GNAZ: variants seen among roughly 807,000 people sequenced by gnomAD.
The protein encoded by GNAZ is G protein subunit alpha z, also known as guanine nucleotide-binding protein G(z) subunit alpha.
Under a neutral mutation model 25.4 loss-of-function variants are expected in GNAZ, and 3 were observed. The observed-to-expected ratio is 0.12, with a 90% CI of 0.05 to 0.30. GNAZ has a LOEUF of 0.30. GNAZ is among the 10% of genes least tolerant of loss of function. GNAZ has a pLI of 1.00. For missense variants in GNAZ, 241 were observed against 501.8 expected, an observed-to-expected ratio of 0.48 and a Z score of 4.97; for synonymous variants, 211 against 205.7, an observed-to-expected ratio of 1.03 and a Z score of -0.22.
chr22:23,091,319 C>T (rs1308001720), intron 1 of GNAZ, among the ~76,000 whole-genome samples: 3 of 152,294 alleles, frequency 2.0e-5, no homozygotes, highest in Non-Finnish European at 4.4e-5. Context: ...TACACGCACA[C>T]ATACCGCAAT....
chr22:23,075,339 G>A (rs2068482785), intron 1 of GNAZ, among the ~76,000 whole-genome samples: 2 of 152,180 alleles, frequency 1.3e-5, no homozygotes, highest in South Asian at 4.1e-4. Context: ...GCAGGCAATT[G>A]CCTGCTGCAA....
chr22:23,119,045 G>T (rs1311123398), intron 2 of GNAZ, among the ~76,000 whole-genome samples: 1 of 152,242 alleles, frequency 6.6e-6, no homozygotes, highest in Non-Finnish European at 1.5e-5. Flanking sequence ...CAGAAGGCAT[G>T]CTGGGGCTTC....
At chr22:23,084,675 T>C (rs914446424) in intron 1 of GNAZ, among the ~76,000 whole-genome samples, 5 of 152,194 alleles carry the variant, frequency 3.3e-5, no homozygotes, top group African/African-American at 1.2e-4. Context: ...TCGTGGCCCA[T>C]GATGCAATGC....
At chr22:23,106,194 G>A (rs1376937150) in intron 2 of GNAZ, among the ~76,000 whole-genome samples, 2 of 152,344 alleles carry the variant, frequency 1.3e-5, no homozygotes, top group East Asian at 3.9e-4. Context: ...CTCCCATTTG[G>A]ACCTAAGACC....
chr22:23,071,716 C>T lies in GNAZ; in HGVS notation c.-450+1146C>T, dbSNP rs1475613141. 1.3e-5 allele frequency among the ~76,000 whole-genome samples: 2 copies of T among 152,122 alleles called. No homozygotes were observed. Among genetic ancestry groups the T allele is most frequent in the Non-Finnish European group, 2.9e-5 (2 of 68,024 alleles). On this transcript the variant is annotated intron_variant, in intron 1 of 2. Transcript: ENST00000615612. This position sits in a 1 kb window ranked among gnomAD's most constrained non-coding sequence, Gnocchi z 4.1. Reference sequence around the variant, plus strand: ...CGCTTGAGTGCAGGTGCAGGGGCCTCGGGAGGGACCTCAGAGTGGTGTCCT... The same window carrying T: ...CGCTTGAGTGCAGGTGCAGGGGCCTTGGGAGGGACCTCAGAGTGGTGTCCT...
In GNAZ at chr22:23,123,156, C is replaced by T. The variant is rs374781793; in HGVS notation, c.793C>T (p.Leu265Phe). The T allele has an allele frequency of 6.2e-7, 1 of 1,613,804 alleles. No individual in the cohort carries two copies. The highest frequency in any genetic ancestry group is 1.3e-5 in the African/African-American group (1 of 74,934). ...CAACAACTGGTTCATCAACACCTCACTCATCCTCTTCCTGAACAAGAAGGA... is the reference window on the plus strand; with the variant it reads ...CAACAACTGGTTCATCAACACCTCATTCATCCTCTTCCTGAACAAGAAGGA... Reference protein sequence around the residue: ...CNNNWFINTSLILFLNKKDLL... With the variant: ...CNNNWFINTSFILFLNKKDLL... The change falls in exon 3 of 3, where the codon CTC (leucine) becomes TTC (phenylalanine). Residue 265 changes from leucine to phenylalanine, a missense_variant. Transcript: ENST00000615612.
chr22:23,104,026 G>C (rs911355121), intron 2 of GNAZ, among the ~76,000 whole-genome samples: 1 of 152,142 alleles, frequency 6.6e-6, no homozygotes, highest in African/African-American at 2.4e-5. Flanking sequence ...GGGCCTAGAC[G>C]TTGGGAGCAG....
At position 23,095,582 on chromosome 22, in the gene GNAZ, C is replaced by A; in HGVS notation, c.-114C>A. 1 of 1,217,658 alleles carries A rather than the reference C, an allele frequency of 8.2e-7. No homozygotes were observed. The allele number at this position is 1,217,658 out of a possible 1,614,324, so 75.4% of individuals were successfully genotyped here. A position where few individuals can be genotyped will look rare whatever the true frequency, so the allele number is the denominator to read the frequency against. ...GCTCGGCCTCACCCCCCTGCTGGCA[C>A]TGAGTGCCTCCAGGGCAGCTGGGCT... On this transcript the variant is annotated 5_prime_UTR_variant, in exon 2 of 3. The change creates a new upstream start codon in the 5' untranslated region. Coordinates refer to ENST00000615612, the MANE Select transcript of GNAZ (RefSeq NM_002073.4).
chr22:23,094,199 A>G (rs991132913), intron 1 of GNAZ, among the ~76,000 whole-genome samples: 1 of 152,110 alleles, frequency 6.6e-6, no homozygotes, highest in Non-Finnish European at 1.5e-5. Context: ...GTCTCCGGAC[A>G]GGGACATAGG....
At chr22:23,117,190 C>T (rs2069867142) in intron 2 of GNAZ, among the ~76,000 whole-genome samples, 1 of 152,098 alleles carries the variant, frequency 6.6e-6, no homozygotes, top group African/African-American at 2.4e-5. Context: ...TGGGGCTGTT[C>T]TGTGCCCCAC....
chr22:23,091,789 C>A (rs978864660), intron 1 of GNAZ, among the ~76,000 whole-genome samples: 1 of 152,372 alleles, frequency 6.6e-6, no homozygotes, highest in East Asian at 1.9e-4. Flanking sequence ...CGTCCTGTTT[C>A]TCTTCAGTGA....
At chr22:23,103,154 C>G (rs894063054) in intron 2 of GNAZ, among the ~76,000 whole-genome samples, 6 of 152,290 alleles carry the variant, frequency 3.9e-5, no homozygotes, top group African/African-American at 1.4e-4. Context: ...CATACTGGCT[C>G]ACAAGAGCTA....
At chr22:23,114,931 T>A (rs2069780130) in intron 2 of GNAZ, among the ~76,000 whole-genome samples, 1 of 152,178 alleles carries the variant, frequency 6.6e-6, no homozygotes, top group African/African-American at 2.4e-5. Context: ...CAGTGGGGAC[T>A]GCCATGAAGG....
intron 2 of GNAZ, among the ~76,000 whole-genome samples, chr22:23,105,503 C>T (rs1209236876): frequency 6.6e-6 from 1 of 152,218 alleles, no homozygotes; most frequent in African/African-American, 2.4e-5. Flanking sequence ...GGTGTGGGTC[C>T]GAGGCTGCAG....
intron 1 of GNAZ, among the ~76,000 whole-genome samples, chr22:23,091,519 C>A (rs1169312430): frequency 6.6e-6 from 1 of 151,634 alleles, no homozygotes; most frequent in East Asian, 1.9e-4. Flanking sequence ...CATGCACACA[C>A]ACCGCAATAG....
chr22:23,116,102 A>T (rs990966818), intron 2 of GNAZ, among the ~76,000 whole-genome samples: 1 of 152,270 alleles, frequency 6.6e-6, no homozygotes, highest in Non-Finnish European at 1.5e-5. Context: ...CGTGCCCAGG[A>T]CCACGTCTGT....
At position 23,095,604 on chromosome 22, in the gene GNAZ, G is replaced by T; in HGVS notation, c.-92G>T. 1 of 1,415,554 alleles carries T rather than the reference G, an allele frequency of 7.1e-7. No individual in the cohort carries two copies. Among genetic ancestry groups the T allele is most frequent in the East Asian group, 2.4e-5 (1 of 42,154 alleles). 87.7% of individuals were successfully genotyped at this position (1,415,554 alleles called of 1,614,324 possible). A position where few individuals can be genotyped will look rare whatever the true frequency, so the allele number is the denominator to read the frequency against. ...GCACTGAGTGCCTCCAGGGCAGCTG[G>T]GCTCTTGTCTGCCTGGTCTCAGTGT... On this transcript the variant is annotated 5_prime_UTR_variant, in exon 2 of 3. Coordinates refer to ENST00000615612, the MANE Select transcript of GNAZ (RefSeq NM_002073.4).
chr22:23,073,653 G>C (rs1193977429), intron 1 of GNAZ, among the ~76,000 whole-genome samples: 1 of 152,230 alleles, frequency 6.6e-6, no homozygotes, highest in Non-Finnish European at 1.5e-5. Context: ...GAACCAACAG[G>C]GACCGCTTGA....
Position 23,087,532 on chromosome 22 carries a change from G to A in GNAZ, c.-449-7715G>A, listed in dbSNP as rs182713026. Among the ~76,000 whole-genome samples the A allele has an allele frequency of 9.2e-5, 14 of 152,286 alleles. No individual in the cohort carries two copies. In the East Asian group the frequency reaches 2.3e-3, roughly 25 times the overall value. Reference sequence around the variant, plus strand: ...CTAGACAGAGCCGATTCTTCAAGACGAGAATTGCAATAGAGAAAGAGTAAT... The same window carrying A: ...CTAGACAGAGCCGATTCTTCAAGACAAGAATTGCAATAGAGAAAGAGTAAT... On this transcript the variant is annotated intron_variant, in intron 1 of 2. Transcript: ENST00000615612.
Sources: gnomAD v4.1 joint callset for allele counts (sites outside exome capture counted in the v4.1 genomes callset) on GRCh38, gnomAD v4.1.1 for gene constraint, Gnocchi (gnomAD v3.1) non-coding constraint, MANE v1.5 for transcripts, NCBI Gene and HGNC (gene_info 2026-07-23, HGNC 2026-07-21) for gene names.